Variants in WWOX observed in about 807,000 individuals in gnomAD.
WWOX encodes the protein WW domain-containing oxidoreductase.
Under a neutral mutation model 46.2 loss-of-function variants are expected in WWOX, and 69 were observed. The observed-to-expected ratio is 1.49, with a 90% confidence interval of 1.23 to 1.82. WWOX has a LOEUF of 1.82. WWOX is among the 40% of genes most tolerant of loss of function. The probability of loss-of-function intolerance (pLI) is 0.00; values close to 1 mark genes in which losing one functional copy is unlikely to be tolerated. For synonymous variants in WWOX, 359 were observed against 202.6 expected, an observed-to-expected ratio of 1.77 and a Z score of -6.56; for missense variants, 919 against 542.6, an observed-to-expected ratio of 1.69 and a Z score of -6.89.
chr16:78,973,537 A>G (rs4888898), intron 8 of WWOX, among the ~76,000 whole-genome samples: 2 of 151,648 alleles, frequency 1.3e-5, no homozygotes, highest in African/African-American at 4.8e-5. Flanking sequence ...TTATTTATTT[A>G]TTTTCTTTTT....
At chr16:78,969,373 G>A (rs1239402336) in intron 8 of WWOX, among the ~76,000 whole-genome samples, 1 of 151,972 alleles carries the variant, frequency 6.6e-6, no homozygotes, top group Non-Finnish European at 1.5e-5. Flanking sequence ...TGGTTCAAGG[G>A]ATTCTCGTGC....
At chr16:78,634,987 A>G (rs903801267) in intron 8 of WWOX, among the ~76,000 whole-genome samples, 1 of 152,020 alleles carries the variant, frequency 6.6e-6, no homozygotes. Flanking sequence ...ATAAATTCAT[A>G]CCAGCTTCAG....
intron 6 of WWOX, among the ~76,000 whole-genome samples, chr16:78,417,115 C>G (rs796971133): frequency 2.6e-5 from 4 of 151,768 alleles, no homozygotes; most frequent in African/African-American, 9.7e-5. Flanking sequence ...CTCAGTTGCC[C>G]AGGCTGGAGA....
intron 8 of WWOX, among the ~76,000 whole-genome samples, chr16:79,162,964 G>A (rs2050516183): frequency 6.6e-6 from 1 of 152,212 alleles, no homozygotes; most frequent in African/African-American, 2.4e-5. Context: ...CCCAGAAAAA[G>A]TCCTTATGGA....
intron 8 of WWOX, among the ~76,000 whole-genome samples, chr16:78,697,770 T>C (rs1037268046): frequency 3.9e-5 from 6 of 152,304 alleles, no homozygotes; most frequent in South Asian, 2.1e-4. Context: ...TTTCATCTTA[T>C]GGTATTTTCA....
chr16:78,176,612 C>T (rs369505739), intron 5 of WWOX, among the ~76,000 whole-genome samples: 4 of 152,130 alleles, frequency 2.6e-5, no homozygotes, highest in East Asian at 1.9e-4. Flanking sequence ...TTGATTATTG[C>T]ACTAATATTA....
At chr16:78,466,861 C>A (rs543937975) in intron 8 of WWOX, among the ~76,000 whole-genome samples, 3,924 of 152,044 alleles carry the variant, frequency 0.026, 187 homozygotes, top group African/African-American at 0.091. Context: ...AAAAAAAGCA[C>A]AAAAAATTTT....
At chr16:78,487,463 G>A (rs1726765540) in intron 8 of WWOX, among the ~76,000 whole-genome samples, 1 of 152,160 alleles carries the variant, frequency 6.6e-6, no homozygotes, top group African/African-American at 2.4e-5. Context: ...TCTTTGCATG[G>A]TGTTACAACA....
intron 8 of WWOX, among the ~76,000 whole-genome samples, chr16:78,569,022 A>G (rs1478815331): frequency 1.3e-5 from 2 of 152,182 alleles, no homozygotes; most frequent in Non-Finnish European, 2.9e-5. Context: ...ACCACACACG[A>G]TGAGATTGGA....
At chr16:78,244,625 T>C (rs940145915) in intron 5 of WWOX, among the ~76,000 whole-genome samples, 1 of 152,214 alleles carries the variant, frequency 6.6e-6, no homozygotes, top group Non-Finnish European at 1.5e-5. Flanking sequence ...AGTGCAGTGA[T>C]CAATCAGCAG....
chr16:78,386,224 G>T (rs190094676), intron 5 of WWOX, among the ~76,000 whole-genome samples: 1 of 152,284 alleles, frequency 6.6e-6, no homozygotes. Flanking sequence ...TGTCCAGCCC[G>T]TGGCAGGCCC....
At chr16:78,764,062 G>C (rs2049865715) in intron 8 of WWOX, among the ~76,000 whole-genome samples, 1 of 152,174 alleles carries the variant, frequency 6.6e-6, no homozygotes, top group African/African-American at 2.4e-5. Flanking sequence ...TATTTGCTCA[G>C]AGAGATCCAG....
intron 8 of WWOX, among the ~76,000 whole-genome samples, chr16:78,688,034 G>C (rs989993488): frequency 2.2e-4 from 33 of 152,094 alleles, no homozygotes; most frequent in Admixed American, 2.2e-3. Flanking sequence ...ATTTAAATTA[G>C]TAAATAATTT....
intron 8 of WWOX, among the ~76,000 whole-genome samples, chr16:78,961,588 G>C (rs1597210099): frequency 6.6e-6 from 1 of 151,948 alleles, no homozygotes; most frequent in Admixed American, 6.6e-5. Flanking sequence ...GGGTGAGTAA[G>C]GGGGGATAAA....
intron 8 of WWOX, among the ~76,000 whole-genome samples, chr16:78,486,266 C>A (rs1005413706): frequency 4.6e-5 from 7 of 152,166 alleles, no homozygotes; most frequent in East Asian, 3.9e-4. Flanking sequence ...ATGTGTAGTC[C>A]CATACCATTT....
chr16:78,511,318 G>A (rs1357189491), intron 8 of WWOX, among the ~76,000 whole-genome samples: 2 of 152,162 alleles, frequency 1.3e-5, no homozygotes, highest in East Asian at 1.9e-4. Context: ...GATGCCTTCG[G>A]TCCAGACACT....
rs79734883 is a variant in WWOX, at chr16:79,207,467, A to T, written c.1057-4141A>T. 9.8e-5 allele frequency among the ~76,000 whole-genome samples: 15 copies of T among 152,324 alleles called. No homozygotes were observed. The East Asian group carries it at 2.7e-3, about 27-fold the overall frequency. On this transcript the variant is annotated intron_variant, in intron 8 of 8. Coordinates refer to ENST00000566780, the MANE Select transcript of WWOX (RefSeq NM_016373.4). ...GTGTTCCAAGCCTAATCTAACTTCC[A>T]GGGTTCATTCCTTTCATAACTCTAC...
In WWOX at chr16:78,480,160, T is replaced by A. The variant is rs367724031; in HGVS notation, c.1056+47408T>A. Among the ~76,000 whole-genome samples the A allele has an allele frequency of 6.6e-5, 10 of 152,334 alleles. 1 individual carries two copies. The highest frequency in any genetic ancestry group is 2.4e-4 in the African/African-American group (10 of 41,582). On this transcript the variant is annotated intron_variant, in intron 8 of 8. Transcript: ENST00000566780. ...CTATTAAAATGTAAATTAATTAAAA[T>A]TAAAAGTTCAATTGCTCTGAAATAG... is the stretch of plus-strand genomic sequence containing the variant.
At chr16:79,179,700 T>C (rs1051866943) in intron 8 of WWOX, among the ~76,000 whole-genome samples, 2 of 152,198 alleles carry the variant, frequency 1.3e-5, no homozygotes, top group East Asian at 1.9e-4. Flanking sequence ...GATCCTTCTT[T>C]AGTTGGGTAT....
Sources: gnomAD v4.1 joint callset for allele counts (sites outside exome capture counted in the v4.1 genomes callset) on GRCh38, gnomAD v4.1.1 for gene constraint, MANE v1.5 for transcripts, NCBI Gene and HGNC (gene_info 2026-07-23, HGNC 2026-07-21) for gene names.